Variants in CLINT1 observed in about 807,000 individuals in gnomAD.
CLINT1 encodes the protein clathrin interactor 1.
Under a neutral mutation model 70.4 loss-of-function variants are expected in CLINT1, and 15 were observed. That is an observed-to-expected ratio of 0.21 (90% CI 0.14 to 0.33). CLINT1 has a LOEUF of 0.33. Ranked by LOEUF, CLINT1 falls within the 10% of genes least tolerant of loss-of-function variation. The probability of loss-of-function intolerance (pLI) is 1.00; values close to 1 mark genes in which losing one functional copy is unlikely to be tolerated. For missense variants in CLINT1, 615 were observed against 778.1 expected (o/e 0.79, Z 2.49); for synonymous variants, 227 against 254.7 (o/e 0.89, Z 1.04).
intron 1 of CLINT1, among the ~76,000 whole-genome samples, chr5:157,857,224 C>CA (rs34211902): frequency 0.072 from 8,735 of 120,572 alleles, 392 homozygotes; most frequent in Non-Finnish European, 0.1. Flanking sequence ...GAGACCCCAT[C>CA]AAAAAAAAAA....
In CLINT1 at chr5:157,787,888, C is replaced by T. The variant is rs1369967763; in HGVS notation, c.1636G>A (p.Gly546Arg). The T allele has an allele frequency of 1.2e-6, 2 of 1,613,800 alleles. No homozygotes were observed. Among genetic ancestry groups the T allele is most frequent in the Non-Finnish European group, 8.5e-7 (1 of 1,179,818 alleles). ...GGCATGCTCATAGGCATGGGTCCCCCTATCAAAGCATTAGTTTGGGGCCGG... is the reference window on the plus strand; with the variant it reads ...GGCATGCTCATAGGCATGGGTCCCCTTATCAAAGCATTAGTTTGGGGCCGG... Reference protein sequence around the residue: ...PVRPQTNALIGGPMPMSMPNV... With the variant: ...PVRPQTNALIRGPMPMSMPNV... Residue 546 changes from glycine to arginine, a missense_variant, in exon 12 of 12, where the codon GGG becomes AGG. Around this residue, in one of 2 missense-constraint regions of CLINT1, gnomAD observed 374 missense variants for 409.6 expected, o/e 0.91. Transcript: ENST00000411809.
At chr5:157,835,551 G>C (rs1011923524) in intron 1 of CLINT1, among the ~76,000 whole-genome samples, 4 of 151,722 alleles carry the variant, frequency 2.6e-5, no homozygotes, top group Admixed American at 2.0e-4. Context: ...TTTCCCTCTC[G>C]GTGCCTAACA....
intron 1 of CLINT1, among the ~76,000 whole-genome samples, chr5:157,826,500 G>C (rs1164799120): frequency 1.4e-5 from 2 of 145,110 alleles, no homozygotes; most frequent in East Asian, 4.1e-4. Flanking sequence ...CAGCACAAGA[G>C]GCTGGCTTTC....
intron 1 of CLINT1, among the ~76,000 whole-genome samples, chr5:157,833,021 AT>A (rs1418319251): frequency 6.6e-6 from 1 of 152,178 alleles, no homozygotes; most frequent in African/African-American, 2.4e-5. Flanking sequence ...CTGAGCTCCT[AT>A]TTTAAATCTA....
chr5:157,858,998 C>T lies in CLINT1; in HGVS notation c.-28G>A, dbSNP rs1397658958. Reference sequence around the variant, plus strand: ...TGCCCCGCGCGGGACGGTCCGCCGCCTCCCTCTCCTGCTCCCCACGGACCC... The same window carrying T: ...TGCCCCGCGCGGGACGGTCCGCCGCTTCCCTCTCCTGCTCCCCACGGACCC... On this transcript the variant is annotated 5_prime_UTR_variant, in exon 1 of 12. Coordinates refer to ENST00000411809, the MANE Select transcript of CLINT1 (RefSeq NM_014666.4). 1 of 1,610,352 alleles carries T rather than the reference C, an allele frequency of 6.2e-7. No individual in the cohort carries two copies. Among genetic ancestry groups the T allele is most frequent in the African/African-American group, 1.3e-5 (1 of 74,822 alleles).
chr5:157,830,790 C>A lies in CLINT1; in HGVS notation c.42-13243G>T, dbSNP rs868224635. ...TCTCTCTCTCTCTCTCTCTCTCTCT[C>A]TCTCTCTATATATATATATATATAT... On this transcript the variant is annotated intron_variant, in intron 1 of 11. Coordinates refer to ENST00000411809, the MANE Select transcript of CLINT1 (RefSeq NM_014666.4). Among the ~76,000 whole-genome samples the A allele has an allele frequency of 7.2e-3, 888 of 123,962 alleles. 5 individuals are homozygous for A. The highest frequency in any genetic ancestry group is 0.016 in the African/African-American group (507 of 31,264). The allele number at this position is 123,962 out of a possible 152,430, so 81.3% of individuals were successfully genotyped here. A position where few individuals can be genotyped will look rare whatever the true frequency, so the allele number is the denominator to read the frequency against.
intron 2 of CLINT1, among the ~76,000 whole-genome samples, chr5:157,817,133 T>C (rs1420734384): frequency 6.6e-6 from 1 of 152,174 alleles, no homozygotes; most frequent in African/African-American, 2.4e-5. Context: ...AGAAAAATTT[T>C]TTTGTAACTT....
At chr5:157,822,226 T>TA (rs1273882962) in intron 1 of CLINT1, among the ~76,000 whole-genome samples, 4 of 150,610 alleles carry the variant, frequency 2.7e-5, no homozygotes, top group Non-Finnish European at 4.4e-5. Context: ...TTTTTTTTTT[T>TA]ATACTTTAAG....
chr5:157,790,878 T>C (rs1215023855), intron 10 of CLINT1, among the ~76,000 whole-genome samples: 2 of 152,168 alleles, frequency 1.3e-5, no homozygotes, highest in African/African-American at 4.8e-5. Context: ...GATGAGCCTA[T>C]AAAACATTTA....
At chr5:157,850,648 C>T (rs1461699916) in intron 1 of CLINT1, among the ~76,000 whole-genome samples, 1 of 146,542 alleles carries the variant, frequency 6.8e-6, no homozygotes, top group Non-Finnish European at 1.5e-5. Flanking sequence ...AATTATTTAA[C>T]CATGGGGGTT....
intron 1 of CLINT1, among the ~76,000 whole-genome samples, chr5:157,832,569 C>T (rs1459987910): frequency 6.6e-6 from 1 of 152,186 alleles, no homozygotes; most frequent in Non-Finnish European, 1.5e-5. Flanking sequence ...ATTTAACTAT[C>T]TCTCCACTTC....
intron 1 of CLINT1, among the ~76,000 whole-genome samples, chr5:157,848,524 G>C (rs1423922499): frequency 4.7e-5 from 7 of 150,174 alleles, no homozygotes; most frequent in Non-Finnish European, 1.0e-4. Context: ...TTTTTTTTGA[G>C]GTGGAGTCTC....
At chr5:157,845,447 C>T (rs1753337513) in intron 1 of CLINT1, among the ~76,000 whole-genome samples, 1 of 152,048 alleles carries the variant, frequency 6.6e-6, no homozygotes, top group African/African-American at 2.4e-5. Flanking sequence ...TACTAATTCA[C>T]CTTTCTGGTA....
intron 3 of CLINT1, 86 bp downstream of exon 3, chr5:157,816,648 T>G: frequency 1.2e-6 from 1 of 839,964 alleles, no homozygotes; most frequent in Non-Finnish European, 1.9e-6. Flanking sequence ...TTTAATATAC[T>G]TCAAAATCAC....
intron 6 of CLINT1, among the ~76,000 whole-genome samples, chr5:157,809,373 C>T (rs1454684372): frequency 6.6e-6 from 1 of 151,744 alleles, no homozygotes; most frequent in African/African-American, 2.4e-5. Context: ...TTAACAAATG[C>T]ACCATAGTAA....
intron 1 of CLINT1, among the ~76,000 whole-genome samples, chr5:157,851,052 A>G (rs1354077791): frequency 6.6e-6 from 1 of 152,150 alleles, no homozygotes; most frequent in African/African-American, 2.4e-5. Flanking sequence ...TCGGCCTCCC[A>G]AAGTGTTGGG....
rs1761841085 is a variant in CLINT1, at chr5:157,789,623, G to A, written c.1381-110C>T. 9.9e-6 allele frequency: 14 copies of A among 1,411,796 alleles called. No individual in the cohort carries two copies. In the East Asian group the frequency reaches 3.2e-4, roughly 32 times the overall value. The allele number at this position is 1,411,796 out of a possible 1,614,324, so 87.5% of individuals were successfully genotyped here. ...AGCATCTGTTCTATAAAAATTATCAGATGGCAATTTAATCACAACAATGAA... is the reference window on the plus strand; with the variant it reads ...AGCATCTGTTCTATAAAAATTATCAAATGGCAATTTAATCACAACAATGAA... On this transcript the variant is annotated intron_variant, in intron 10 of 11. Transcript: ENST00000411809.
chr5:157,809,860 A>G (rs887413653), intron 5 of CLINT1, 55 bp from the exon 6 acceptor site: 23 of 1,507,778 alleles, frequency 1.5e-5, no homozygotes, highest in Non-Finnish European at 2.1e-5. Flanking sequence ...TTCAAAAGGT[A>G]TCTACAAGTC....
At position 157,813,237 on chromosome 5, in the gene CLINT1, T is replaced by C. The variant is rs749731163; in HGVS notation, c.353-10A>G. 3 of 1,607,738 alleles carry C rather than the reference T, an allele frequency of 1.9e-6. No individual in the cohort carries two copies. Among genetic ancestry groups the C allele is most frequent in the East Asian group, 2.2e-5 (1 of 44,770 alleles). ...TCCTTACCATGCTCATCTATGAGGATGGTAAGAGATAAGCAAAACCTAAGA... is the reference window on the plus strand; with the variant it reads ...TCCTTACCATGCTCATCTATGAGGACGGTAAGAGATAAGCAAAACCTAAGA... On this transcript the variant is annotated splice_polypyrimidine_tract_variant and intron_variant, in intron 4 of 11. Transcript: ENST00000411809.
Sources: gnomAD v4.1 joint callset for allele counts (sites outside exome capture counted in the v4.1 genomes callset) on GRCh38, gnomAD v4.1.1 for gene constraint, gnomAD v4.1.1 regional missense constraint, MANE v1.5 for transcripts, NCBI Gene and HGNC (gene_info 2026-07-23, HGNC 2026-07-21) for gene names.